TMEM178B: variants seen among roughly 807,000 people sequenced by gnomAD.
TMEM178B encodes the protein transmembrane protein 178B.
In TMEM178B, 5 loss-of-function variants were observed where a neutral mutation model predicts 31.0. The ratio of observed to expected loss-of-function variants is 0.16; its 90% CI spans 0.08 to 0.34. The LOEUF is 0.34. Ranked by LOEUF, TMEM178B falls within the 10% of genes least tolerant of loss-of-function variation. The probability of loss-of-function intolerance (pLI) is 1.00; values close to 1 mark genes in which losing one functional copy is unlikely to be tolerated. For missense variants in TMEM178B, 275 were observed against 400.3 expected, an observed-to-expected ratio of 0.69 and a Z score of 2.67; for synonymous variants, 164 against 164.0, an observed-to-expected ratio of 1.00 and a Z score of 0.00.
At chr7:141,190,261 T>A (rs557637003) in intron 1 of TMEM178B, among the ~76,000 whole-genome samples, 2 of 152,140 alleles carry the variant, frequency 1.3e-5, no homozygotes, top group Non-Finnish European at 2.9e-5. Context: ...TTGGGCAAAA[T>A]CATCTAACAC....
chr7:141,132,012 TC>T (rs1319007444), intron 1 of TMEM178B, among the ~76,000 whole-genome samples: 1 of 152,080 alleles, frequency 6.6e-6, no homozygotes, highest in African/African-American at 2.4e-5. Flanking sequence ...CGCACTCATT[TC>T]CCCCAACATT....
the TMEM178B span, among the ~76,000 whole-genome samples, chr7:141,502,570 A>G: frequency 6.6e-6 from 1 of 152,222 alleles, no homozygotes; most frequent in Non-Finnish European, 1.5e-5. Flanking sequence ...AGGGAGTTCG[A>G]GACCAGCCTG....
At chr7:141,404,427 T>C (rs376811729) in intron 2 of TMEM178B, among the ~76,000 whole-genome samples, 23 of 152,212 alleles carry the variant, frequency 1.5e-4, no homozygotes, top group African/African-American at 4.1e-4. Context: ...CCGAAGGCCA[T>C]AGGGGAGGAT....
intron 3 of TMEM178B, among the ~76,000 whole-genome samples, chr7:141,448,927 G>C (rs1005697714): frequency 6.6e-6 from 1 of 152,122 alleles, no homozygotes; most frequent in African/African-American, 2.4e-5. Context: ...CAGGAGGAGG[G>C]TGAACAGGAG....
intron 2 of TMEM178B, among the ~76,000 whole-genome samples, chr7:141,297,815 G>A (rs1355163449): frequency 1.1e-4 from 17 of 152,018 alleles, no homozygotes; most frequent in Admixed American, 6.6e-5. Flanking sequence ...TGCAATAAAC[G>A]TACGTGTGCA....
At chr7:141,155,476 GTT>G (rs151229535) in intron 1 of TMEM178B, among the ~76,000 whole-genome samples, 1 of 152,226 alleles carries the variant, frequency 6.6e-6, no homozygotes, top group African/African-American at 2.4e-5. Flanking sequence ...GCTCTCAGCA[GTT>G]TAACAGCTGG....
chr7:141,301,760 C>T (rs1280423913), intron 2 of TMEM178B, among the ~76,000 whole-genome samples: 1 of 152,172 alleles, frequency 6.6e-6, no homozygotes, highest in African/African-American at 2.4e-5. Flanking sequence ...TCCTCCAAAT[C>T]CAGCAGCCAC....
chr7:141,459,591 T>C (rs1802026318), intron 3 of TMEM178B, among the ~76,000 whole-genome samples: 1 of 152,206 alleles, frequency 6.6e-6, no homozygotes, highest in African/African-American at 2.4e-5. Context: ...TTGGGGAAGA[T>C]GTCTTGGGAG....
intron 2 of TMEM178B, among the ~76,000 whole-genome samples, chr7:141,260,091 C>T (rs1288412010): frequency 6.6e-6 from 1 of 152,120 alleles, no homozygotes; most frequent in Non-Finnish European, 1.5e-5. Flanking sequence ...GTATGTCTAG[C>T]TTGTCTGCCA....
intron 2 of TMEM178B, among the ~76,000 whole-genome samples, chr7:141,266,402 T>C (rs1798095372): frequency 6.6e-6 from 1 of 152,212 alleles, no homozygotes; most frequent in Admixed American, 6.5e-5. Context: ...ATCAGTTATC[T>C]GTTAGTAACT....
intron 1 of TMEM178B, among the ~76,000 whole-genome samples, chr7:141,184,788 C>A (rs1052664488): frequency 6.6e-6 from 1 of 152,202 alleles, no homozygotes; most frequent in African/African-American, 2.4e-5. Flanking sequence ...CAAGTTTACA[C>A]GCAGTGACCC....
At chr7:141,102,260 A>C (rs1456416599) in intron 1 of TMEM178B, among the ~76,000 whole-genome samples, 1 of 152,154 alleles carries the variant, frequency 6.6e-6, no homozygotes, top group Non-Finnish European at 1.5e-5. Flanking sequence ...GTTTTTGTGA[A>C]TCATTTGTTA....
chr7:141,311,066 C>T lies in TMEM178B; in HGVS notation c.496+98362C>T, dbSNP rs1038009625. The stretch of plus-strand genomic sequence containing the variant: ...CACAGGAACAGAAAAACAAACACTG[C>T]ATGTTCTCACTTATGAGCGGGAGCT... On this transcript the variant is annotated intron_variant, in intron 2 of 3. Transcript: ENST00000565468. Among the ~76,000 whole-genome samples the T allele has an allele frequency of 4.6e-5, 7 of 152,310 alleles. No individual in the cohort carries two copies. In the East Asian group the frequency reaches 1.4e-3, roughly 29 times the overall value.
At chr7:141,203,464 A>G (rs999358325) in intron 1 of TMEM178B, among the ~76,000 whole-genome samples, 1 of 152,244 alleles carries the variant, frequency 6.6e-6, no homozygotes, top group Non-Finnish European at 1.5e-5. Context: ...GGTGAGCAAC[A>G]TATAGGACAT....
At chr7:141,232,506 C>G (rs891566397) in intron 2 of TMEM178B, among the ~76,000 whole-genome samples, 1 of 152,110 alleles carries the variant, frequency 6.6e-6, no homozygotes, top group African/African-American at 2.4e-5. Context: ...ACCATTCTGA[C>G]GGGTGTGAGA....
chr7:141,290,869 C>T (rs917235104), intron 2 of TMEM178B, among the ~76,000 whole-genome samples: 1 of 152,204 alleles, frequency 6.6e-6, no homozygotes, highest in African/African-American at 2.4e-5. Context: ...ATAGTGACCA[C>T]GTCCACCTTC....
At chr7:141,165,768 G>T (rs1796250932) in intron 1 of TMEM178B, among the ~76,000 whole-genome samples, 1 of 152,216 alleles carries the variant, frequency 6.6e-6, no homozygotes, top group Non-Finnish European at 1.5e-5. Flanking sequence ...TGAAATCTCA[G>T]CTGTGGCACT....
chr7:141,307,425 G>C (rs1383396638), intron 2 of TMEM178B, among the ~76,000 whole-genome samples: 1 of 152,208 alleles, frequency 6.6e-6, no homozygotes, highest in African/African-American at 2.4e-5. Flanking sequence ...AGGGGATCCT[G>C]GCAGCGGCTG....
At chr7:141,258,801 C>T (rs926311413) in intron 2 of TMEM178B, among the ~76,000 whole-genome samples, 22 of 152,092 alleles carry the variant, frequency 1.4e-4, no homozygotes, top group African/African-American at 5.3e-4. Flanking sequence ...GTCTTCTGGC[C>T]TACTGTTTCT....
Sources: allele counts gnomAD v4.1 joint callset (sites outside exome capture counted in the v4.1 genomes callset), GRCh38; gene constraint gnomAD v4.1.1; transcripts MANE v1.5; gene names NCBI Gene and HGNC (gene_info 2026-07-23, HGNC 2026-07-21).